Variants in SCN11A observed in about 807,000 individuals in gnomAD.
The protein encoded by SCN11A is sodium voltage-gated channel alpha subunit 11, also known as sodium channel protein type 11 subunit alpha.
SCN11A carries 122 observed loss-of-function variants against 162.2 expected under a neutral mutation model. That is an observed-to-expected ratio of 0.75 (90% CI 0.65 to 0.87). SCN11A has a LOEUF of 0.87. SCN11A is among the 40% of genes least tolerant of loss of function. SCN11A has a pLI of 0.00. For synonymous variants in SCN11A, 758 were observed against 751.5 expected, an observed-to-expected ratio of 1.01 and a Z score of -0.14; for missense variants, 2,015 against 2,181.6, an observed-to-expected ratio of 0.92 and a Z score of 1.52.
At chr3:38,910,527 T>C (rs1050611590) in intron 11 of SCN11A, among the ~76,000 whole-genome samples, 5 of 151,006 alleles carry the variant, frequency 3.3e-5, no homozygotes, top group Non-Finnish European at 5.9e-5. Context: ...TTAGAGGCAA[T>C]AGTTAACAGT....
intron 2 of SCN11A, among the ~76,000 whole-genome samples, chr3:38,972,385 C>A (rs1466042834): frequency 6.6e-6 from 1 of 152,084 alleles, no homozygotes; most frequent in African/African-American, 2.4e-5. Context: ...ATTGGCAGCC[C>A]AGGTAGCCCA....
intron 29 of SCN11A, chr3:38,849,134 A>G (rs1283733728): frequency 6.6e-6 from 1 of 152,166 alleles, no homozygotes; most frequent in Non-Finnish European, 1.5e-5. Flanking sequence ...CGCAAAGTGC[A>G]TGATGCCTGG....
intron 2 of SCN11A, among the ~76,000 whole-genome samples, chr3:39,012,792 A>G (rs551554893): frequency 3.3e-4 from 51 of 152,284 alleles, no homozygotes; most frequent in African/African-American, 1.2e-3. Context: ...TTTTCTTTAC[A>G]TGAAAACTCC....
At chr3:39,027,492 C>A (rs1436849557) in intron 2 of SCN11A, among the ~76,000 whole-genome samples, 1 of 152,136 alleles carries the variant, frequency 6.6e-6, no homozygotes, top group Non-Finnish European at 1.5e-5. Flanking sequence ...GGAAGCTCAG[C>A]TCGAAAGTGT....
intron 2 of SCN11A, among the ~76,000 whole-genome samples, chr3:38,998,412 T>C (rs2125597190): frequency 1.3e-5 from 2 of 152,344 alleles, no homozygotes; most frequent in South Asian, 4.1e-4. Context: ...AGCACTTCTA[T>C]GATGCTTTTA....
chr3:38,990,407 C>T (rs1415172741), intron 2 of SCN11A, among the ~76,000 whole-genome samples: 3 of 152,158 alleles, frequency 2.0e-5, no homozygotes, highest in Admixed American at 2.0e-4. Flanking sequence ...GAGTGAAAGG[C>T]ATGGCGCCTG....
chr3:39,005,986 A>G (rs945709282), intron 2 of SCN11A, among the ~76,000 whole-genome samples: 1 of 152,190 alleles, frequency 6.6e-6, no homozygotes, highest in African/African-American at 2.4e-5. Flanking sequence ...GTTATCTTTC[A>G]TCTTCAATGT....
chr3:38,973,984 A>C, intron 2 of SCN11A, among the ~76,000 whole-genome samples: 1 of 152,240 alleles, frequency 6.6e-6, no homozygotes, highest in Non-Finnish European at 1.5e-5. Context: ...AGCAATTCCC[A>C]CAAATAAGAT....
rs778518459 is a variant in SCN11A, at chr3:38,950,229, C to A, written c.134G>T (p.Gly45Val). ...KEKKKSKDQT[G>V]EVPQPRPQLD... Reference sequence around the variant, plus strand: ...CTGAGGCCGAGGCTGGGGTACTTCTCCTGTCTGGTCTTTAGACTTCTTTTT... The same window carrying A: ...CTGAGGCCGAGGCTGGGGTACTTCTACTGTCTGGTCTTTAGACTTCTTTTT... Residue 45 changes from glycine to valine, a missense_variant, in exon 5 of 30, where the codon GGA becomes GTA. Coordinates refer to ENST00000302328, the MANE Select transcript of SCN11A (RefSeq NM_001349253.2). 6.2e-7 allele frequency: 1 copy of A among 1,614,028 alleles called. No homozygotes were observed. Among genetic ancestry groups the A allele is most frequent in the Non-Finnish European group, 8.5e-7 (1 of 1,180,014 alleles).
intron 23 of SCN11A, among the ~76,000 whole-genome samples, chr3:38,873,942 T>C (rs1468227011): frequency 1.3e-5 from 2 of 152,212 alleles, no homozygotes; most frequent in Admixed American, 6.6e-5. Flanking sequence ...ACGGATCCAT[T>C]CCTCCTTGGT....
chr3:38,925,407 T>A lies in SCN11A; in HGVS notation c.712+8A>T. 6.3e-7 allele frequency: 1 copy of A among 1,583,246 alleles called. No homozygotes were observed. Among genetic ancestry groups the A allele is most frequent in the South Asian group, 1.1e-5 (1 of 90,402 alleles). On this transcript the variant is annotated splice_region_variant and intron_variant, in intron 9 of 29. Transcript: ENST00000302328. ...TAGGAGCCAGTGTGGAAAGTGAGAG[T>A]GACTTACGTGAAACTACTGAAATTG...
intron 18 of SCN11A, 45 bp downstream of exon 18, chr3:38,896,800 T>C (rs1575261194): frequency 7.1e-7 from 1 of 1,400,784 alleles, no homozygotes. Context: ...TTGAGAGGCA[T>C]GTAGGATCTT....
chr3:38,932,881 G>A (rs1007029208), intron 7 of SCN11A, among the ~76,000 whole-genome samples: 1 of 151,578 alleles, frequency 6.6e-6, no homozygotes, highest in African/African-American at 2.4e-5. Context: ...GGTTCTCCCA[G>A]CACCCAGCTG....
At chr3:39,019,331 A>G (rs1301217388) in intron 2 of SCN11A, among the ~76,000 whole-genome samples, 1 of 151,734 alleles carries the variant, frequency 6.6e-6, no homozygotes, top group East Asian at 1.9e-4. Flanking sequence ...CATTTCCCAC[A>G]CCCTTTTGAT....
At chr3:39,016,500 A>T (rs2031292884) in intron 2 of SCN11A, among the ~76,000 whole-genome samples, 1 of 152,082 alleles carries the variant, frequency 6.6e-6, no homozygotes, top group African/African-American at 2.4e-5. Context: ...ATCCTTTAAT[A>T]GTTCTTATAG....
chr3:38,879,946 T>G lies in SCN11A; in HGVS notation c.3393+4A>C. ...TGTGTGGGACACAGAGATGGTAAAC[T>G]TACAATCACAATGATGAAATCAAGG... On this transcript the variant is annotated splice_donor_region_variant and intron_variant, in intron 23 of 29. Transcript: ENST00000302328. The G allele has an allele frequency of 1.2e-6, 2 of 1,611,458 alleles. No individual in the cohort carries two copies. The highest frequency in any genetic ancestry group is 1.7e-6 in the Non-Finnish European group (2 of 1,178,544).
intron 2 of SCN11A, among the ~76,000 whole-genome samples, chr3:38,961,894 G>T (rs2125583663): frequency 1.3e-5 from 2 of 152,252 alleles, no homozygotes; most frequent in Middle Eastern, 6.8e-3. Context: ...ATTTATCTTT[G>T]TTTTTATTGC....
chr3:39,001,739 A>G (rs552134191), intron 2 of SCN11A, among the ~76,000 whole-genome samples: 119 of 148,308 alleles, frequency 8.0e-4, no homozygotes, highest in African/African-American at 2.9e-3. Flanking sequence ...ACAAACAAAC[A>G]AAACACTATT....
intron 17 of SCN11A, among the ~76,000 whole-genome samples, chr3:38,897,648 A>ACT (rs1346058440): frequency 9.2e-5 from 14 of 151,592 alleles, no homozygotes; most frequent in Non-Finnish European, 2.1e-4. Context: ...CCTGTGAGTC[A>ACT]GAGGTTGCAG....
Sources: allele counts gnomAD v4.1 joint callset (sites outside exome capture counted in the v4.1 genomes callset), GRCh38; gene constraint gnomAD v4.1.1; transcripts MANE v1.5; gene names NCBI Gene and HGNC (gene_info 2026-07-23, HGNC 2026-07-21).